The following CUX2 variants were observed in gnomAD, a reference collection of about 807,000 sequenced individuals.
CUX2 encodes the protein homeobox protein cut-like 2.
In CUX2, 40 loss-of-function variants were observed where a neutral mutation model predicts 144.8. The observed-to-expected ratio is 0.28, with a 90% CI of 0.21 to 0.36. CUX2 has a LOEUF of 0.36. Among genes scored for constraint, CUX2 ranks in the 10% least tolerant of loss-of-function variants. The pLI is 1.00. For missense variants in CUX2, 1,615 were observed against 1,994.0 expected (o/e 0.81, Z 3.62); for synonymous variants, 827 against 875.6 (o/e 0.94, Z 0.98).
intron 1 of CUX2, among the ~76,000 whole-genome samples, chr12:111,177,498 C>T (rs1431979923): frequency 2.0e-5 from 3 of 152,158 alleles, no homozygotes; most frequent in Non-Finnish European, 4.4e-5. Flanking sequence ...TCAAGCAATT[C>T]TCCTGCCTCA....
At chr12:111,084,196 A>C (rs16941230) in intron 1 of CUX2, among the ~76,000 whole-genome samples, 5,969 of 152,272 alleles carry the variant, frequency 0.039, 140 homozygotes, top group African/African-American at 0.066. Context: ...TGAAGACTGA[A>C]TCAGCAGGAG....
intron 1 of CUX2, among the ~76,000 whole-genome samples, chr12:111,153,170 G>A (rs1016302714): frequency 9.9e-5 from 15 of 152,160 alleles, no homozygotes; most frequent in Admixed American, 5.2e-4. Flanking sequence ...CTTCCAAACC[G>A]CAATGTATGA....
rs138892539 is a variant in CUX2, at chr12:111,137,352, T to C, written c.64-76848T>C. 3.2e-3 allele frequency among the ~76,000 whole-genome samples: 481 copies of C among 150,002 alleles called. 3 individuals carry two copies. The highest frequency in any genetic ancestry group is 0.013 in the South Asian group (63 of 4,820). ...TGCTGTCACCTCTCTTCTGCTGATG[T>C]TGTTGTTGTTGTTTGTTGATGTTGT... On this transcript the variant is annotated intron_variant, in intron 1 of 21. Transcript: ENST00000261726.
At position 111,192,501 on chromosome 12, in the gene CUX2, T is replaced by A. The variant is rs113723698; in HGVS notation, c.64-21699T>A. ...TCCCCGAGAACTACATAACCTGCCT[T>A]CCAGCTCATGCCTTTTTCCTGCTTT... On this transcript the variant is annotated intron_variant, in intron 1 of 21. Coordinates refer to ENST00000261726, the MANE Select transcript of CUX2 (RefSeq NM_015267.4). Among the ~76,000 whole-genome samples the A allele has an allele frequency of 9.7e-3, 1,477 of 152,150 alleles. 41 individuals carry two copies. The highest frequency in any genetic ancestry group is 0.034 in the African/African-American group (1,422 of 41,526).
chr12:111,321,444 G>C (rs900436856), intron 17 of CUX2, among the ~76,000 whole-genome samples: 2 of 151,964 alleles, frequency 1.3e-5, no homozygotes, highest in Admixed American at 1.3e-4. Flanking sequence ...GCTCCAGCCT[G>C]GGTGACAGAA....
chr12:111,307,736 A>G lies in CUX2; in HGVS notation c.1109+479A>G, dbSNP rs1186545762. On this transcript the variant is annotated intron_variant, in intron 12 of 21. Transcript: ENST00000261726. The surrounding 1 kb of genome is among the most constrained non-coding windows in gnomAD (Gnocchi z 4.1). ...ATTCAACCATCTTCAGTCCTTTTCC[A>G]TTAAGAGCTGCCTGTACGGGCAGAT... 6.6e-6 allele frequency among the ~76,000 whole-genome samples: 1 copy of G among 152,060 alleles called. No individual in the cohort carries two copies. Among genetic ancestry groups the G allele is most frequent in the Non-Finnish European group, 1.5e-5 (1 of 68,008 alleles).
chr12:111,164,933 A>G (rs1878038828), intron 1 of CUX2, among the ~76,000 whole-genome samples: 1 of 152,154 alleles, frequency 6.6e-6, no homozygotes. Flanking sequence ...TGTGAAAATT[A>G]AAGTTTTAGG....
chr12:111,225,637 G>A (rs962169658), intron 3 of CUX2, among the ~76,000 whole-genome samples: 1 of 152,210 alleles, frequency 6.6e-6, no homozygotes, highest in African/African-American at 2.4e-5. Flanking sequence ...GGGTCTGGGG[G>A]TGCAGAAGGA....
chr12:111,286,526 A>C (rs1885391722), intron 4 of CUX2, among the ~76,000 whole-genome samples: 1 of 152,082 alleles, frequency 6.6e-6, no homozygotes, highest in African/African-American at 2.4e-5. Context: ...CACTTTAGGC[A>C]GGGGTTTGAG....
intron 1 of CUX2, among the ~76,000 whole-genome samples, chr12:111,153,119 G>T (rs573547255): frequency 6.6e-6 from 1 of 152,188 alleles, no homozygotes; most frequent in African/African-American, 2.4e-5. Context: ...ACTGGGGAAG[G>T]CCCCTGGATT....
chr12:111,093,097 T>C (rs1387251058), intron 1 of CUX2, among the ~76,000 whole-genome samples: 2 of 152,226 alleles, frequency 1.3e-5, no homozygotes, highest in East Asian at 3.8e-4. Flanking sequence ...ACTGCAAGCA[T>C]GAGCCACTGC....
chr12:111,099,778 G>A (rs775923059), intron 1 of CUX2: 40 of 434,898 alleles, frequency 9.2e-5, no homozygotes, highest in Middle Eastern at 3.5e-4. Flanking sequence ...GGCAGCCTGG[G>A]TCAGTGCCCA....
At chr12:111,278,619 TGAAGAGCCA>T (rs1324084130) in intron 4 of CUX2, among the ~76,000 whole-genome samples, 2 of 152,052 alleles carry the variant, frequency 1.3e-5, no homozygotes, top group African/African-American at 4.8e-5. Context: ...ACCTACTATG[TGAAGAGCCA>T]GAGCAGGACC....
intron 1 of CUX2, among the ~76,000 whole-genome samples, chr12:111,192,884 T>A (rs1022184203): frequency 1.3e-5 from 2 of 152,264 alleles, no homozygotes; most frequent in Non-Finnish European, 2.9e-5. Context: ...GCTAATAGCG[T>A]GTGTGTTTGT....
At chr12:111,157,836 A>G (rs79258632) in intron 1 of CUX2, among the ~76,000 whole-genome samples, 10,560 of 152,298 alleles carry the variant, frequency 0.069, 794 homozygotes, top group African/African-American at 0.19. Flanking sequence ...AGCAACAGCT[A>G]CAGATATTCC....
At chr12:111,177,329 A>T (rs899245448) in intron 1 of CUX2, among the ~76,000 whole-genome samples, 2 of 152,088 alleles carry the variant, frequency 1.3e-5, no homozygotes, top group Non-Finnish European at 2.9e-5. Context: ...TCTCTGCAAA[A>T]GACAGGTACC....
chr12:111,082,998 T>G (rs1015587895), intron 1 of CUX2, among the ~76,000 whole-genome samples: 1 of 152,158 alleles, frequency 6.6e-6, no homozygotes, highest in African/African-American at 2.4e-5. Context: ...GACTCCACAC[T>G]GTTGACATTT....
chr12:111,240,595 G>A (rs927851834), intron 3 of CUX2, among the ~76,000 whole-genome samples: 12 of 152,174 alleles, frequency 7.9e-5, no homozygotes, highest in South Asian at 2.1e-4. Flanking sequence ...GGCCACCACA[G>A]CCAATCTTAG....
At chr12:111,120,137 T>C (rs1874557585) in intron 1 of CUX2, among the ~76,000 whole-genome samples, 1 of 152,150 alleles carries the variant, frequency 6.6e-6, no homozygotes. Flanking sequence ...ATGGCCTTGC[T>C]CCATCATGAT....
Sources: allele counts gnomAD v4.1 joint callset (sites outside exome capture counted in the v4.1 genomes callset), GRCh38; gene constraint gnomAD v4.1.1; non-coding constraint Gnocchi (gnomAD v3.1); transcripts MANE v1.5; gene names NCBI Gene and HGNC (gene_info 2026-07-23, HGNC 2026-07-21).